The following NKAIN3 variants were observed in gnomAD, a reference collection of about 807,000 sequenced individuals.
The protein encoded by NKAIN3 is sodium/potassium-transporting ATPase subunit beta-1-interacting protein 3.
A neutral mutation model predicts 30.2 loss-of-function variants in NKAIN3; 25 were observed. That is an observed-to-expected ratio of 0.83 (90% CI 0.60 to 1.16). NKAIN3 has a LOEUF of 1.16. Among genes scored for constraint, NKAIN3 ranks in the 50% most tolerant of loss-of-function variants. The pLI is 0.00. For missense variants in NKAIN3, 225 were observed against 254.1 expected, an observed-to-expected ratio of 0.89 and a Z score of 0.78; for synonymous variants, 91 against 89.6, an observed-to-expected ratio of 1.02 and a Z score of -0.09.
intron 3 of NKAIN3, among the ~76,000 whole-genome samples, chr8:62,725,822 T>C (rs2130529551): frequency 6.6e-6 from 1 of 152,226 alleles, no homozygotes; most frequent in Non-Finnish European, 1.5e-5. Flanking sequence ...GCTTTGGCTA[T>C]TCTGTGTATT....
chr8:62,511,878 C>A (rs1303335766), intron 1 of NKAIN3, among the ~76,000 whole-genome samples: 1 of 152,162 alleles, frequency 6.6e-6, no homozygotes, highest in African/African-American at 2.4e-5. Context: ...CTTCATGGAG[C>A]CTTGTCTCAC....
At chr8:62,392,620 C>G (rs1334459964) in intron 1 of NKAIN3, among the ~76,000 whole-genome samples, 1 of 151,714 alleles carries the variant, frequency 6.6e-6, no homozygotes, top group Non-Finnish European at 1.5e-5. Context: ...CCTAGCAAAG[C>G]AATTAAAATT....
intron 1 of NKAIN3, among the ~76,000 whole-genome samples, chr8:62,526,693 A>G (rs560684870): frequency 1.1e-4 from 17 of 152,250 alleles, no homozygotes; most frequent in Middle Eastern, 3.4e-3. Flanking sequence ...CATTAGATCT[A>G]AAATGGACTT....
chr8:62,523,080 T>C lies in NKAIN3; in HGVS notation c.55-56459T>C, dbSNP rs569878111. Among the ~76,000 whole-genome samples, 57 of 152,270 alleles carry C rather than the reference T, an allele frequency of 3.7e-4. 1 individual carries two copies. The highest frequency in any genetic ancestry group is 1.3e-3 in the African/African-American group (56 of 41,562). ...TCCTGCAAGCTCCACTCATGATAAATGTCCTATACAGGTGTGCCATTTTTT... is the reference window on the plus strand; with the variant it reads ...TCCTGCAAGCTCCACTCATGATAAACGTCCTATACAGGTGTGCCATTTTTT... On this transcript the variant is annotated intron_variant, in intron 1 of 6. Transcript: ENST00000623646.
chr8:62,476,732 G>A (rs1221568485), intron 1 of NKAIN3, among the ~76,000 whole-genome samples: 1 of 152,120 alleles, frequency 6.6e-6, no homozygotes, highest in Non-Finnish European at 1.5e-5. Context: ...TGGGATTACA[G>A]GCGTGAGCTA....
At chr8:62,360,432 G>A (rs1368033615) in intron 1 of NKAIN3, among the ~76,000 whole-genome samples, 1 of 152,152 alleles carries the variant, frequency 6.6e-6, no homozygotes, top group Non-Finnish European at 1.5e-5. Flanking sequence ...GGACAAGCAA[G>A]GATCTTCACT....
chr8:62,488,214 G>A (rs1483953490), intron 1 of NKAIN3, among the ~76,000 whole-genome samples: 1 of 152,042 alleles, frequency 6.6e-6, no homozygotes, highest in South Asian at 2.1e-4. Context: ...CTCCTTCCCT[G>A]ATTTTGCTGG....
chr8:62,267,581 T>C (rs989846404), intron 1 of NKAIN3, among the ~76,000 whole-genome samples: 1 of 152,208 alleles, frequency 6.6e-6, no homozygotes, highest in African/African-American at 2.4e-5. Flanking sequence ...ATTTTTCTTC[T>C]ATTTGAAGGA....
chr8:62,497,458 A>G (rs908066309), intron 1 of NKAIN3, among the ~76,000 whole-genome samples: 112 of 151,872 alleles, frequency 7.4e-4, no homozygotes, highest in African/African-American at 2.4e-3. Flanking sequence ...AGCCCATAGC[A>G]GAAGTCTTAG....
chr8:62,395,092 C>T (rs1170174511), intron 1 of NKAIN3, among the ~76,000 whole-genome samples: 1 of 149,818 alleles, frequency 6.7e-6, no homozygotes, highest in Non-Finnish European at 1.5e-5. Flanking sequence ...CTCATCACTT[C>T]TCAGATGATG....
intron 1 of NKAIN3, among the ~76,000 whole-genome samples, chr8:62,265,634 C>T (rs1400990388): frequency 2.0e-5 from 3 of 152,088 alleles, no homozygotes; most frequent in Admixed American, 2.0e-4. Flanking sequence ...AGCCTATTCC[C>T]TTCTTTATTC....
At chr8:62,958,701 C>T (rs769180536) in intron 6 of NKAIN3, among the ~76,000 whole-genome samples, 3 of 152,158 alleles carry the variant, frequency 2.0e-5, no homozygotes, top group Non-Finnish European at 4.4e-5. Flanking sequence ...TTTCAGAGAA[C>T]AACATAGTGA....
intron 3 of NKAIN3, among the ~76,000 whole-genome samples, chr8:62,706,673 TTTAC>T (rs1484141662): frequency 6.6e-6 from 1 of 152,142 alleles, no homozygotes; most frequent in Non-Finnish European, 1.5e-5. Flanking sequence ...ATTTTTAATA[TTTAC>T]TTATTTATTA....
intron 3 of NKAIN3, among the ~76,000 whole-genome samples, chr8:62,604,236 G>T (rs1334584830): frequency 2.6e-5 from 4 of 152,134 alleles, no homozygotes; most frequent in African/African-American, 9.6e-5. Flanking sequence ...CAAGGTGACA[G>T]AATTAAAAAA....
intron 3 of NKAIN3, among the ~76,000 whole-genome samples, chr8:62,617,948 T>C (rs1422668738): frequency 6.6e-6 from 1 of 152,210 alleles, no homozygotes; most frequent in Non-Finnish European, 1.5e-5. Context: ...TACAAAGTGA[T>C]AGGAAGACTT....
intron 3 of NKAIN3, among the ~76,000 whole-genome samples, chr8:62,610,591 A>C (rs1474010741): frequency 1.3e-5 from 2 of 152,164 alleles, no homozygotes; most frequent in Non-Finnish European, 2.9e-5. Flanking sequence ...ATTACATCAG[A>C]GAAAACTGAT....
At chr8:62,292,877 G>A (rs977620415) in intron 1 of NKAIN3, among the ~76,000 whole-genome samples, 5 of 152,154 alleles carry the variant, frequency 3.3e-5, no homozygotes, top group Non-Finnish European at 5.9e-5. Context: ...GCAATCAGAC[G>A]TAGATTTGGT....
At chr8:62,308,294 T>C (rs1814319058) in intron 1 of NKAIN3, among the ~76,000 whole-genome samples, 1 of 150,380 alleles carries the variant, frequency 6.6e-6, no homozygotes, top group Non-Finnish European at 1.5e-5. Flanking sequence ...CTGGGGGTGA[T>C]TGGGTGCCTT....
At chr8:62,851,827 GC>G (rs1819908688) in intron 4 of NKAIN3, among the ~76,000 whole-genome samples, 1 of 152,238 alleles carries the variant, frequency 6.6e-6, no homozygotes, top group Admixed American at 6.5e-5. Flanking sequence ...TGGTGGATAA[GC>G]TTTTTGATGT....
Sources: gnomAD v4.1 joint callset for allele counts (sites outside exome capture counted in the v4.1 genomes callset) on GRCh38, gnomAD v4.1.1 for gene constraint, MANE v1.5 for transcripts, NCBI Gene and HGNC (gene_info 2026-07-23, HGNC 2026-07-21) for gene names.